Variants in SNTG2 observed in about 807,000 individuals in gnomAD.
SNTG2 encodes gamma-2-syntrophin.
SNTG2 carries 74 observed loss-of-function variants against 70.9 expected under a neutral mutation model. The ratio of observed to expected loss-of-function variants is 1.04; its 90% CI spans 0.86 to 1.27. The LOEUF (loss-of-function observed/expected upper bound fraction) is 1.27, where lower values mean the gene tolerates loss of function less well. Among genes scored for constraint, SNTG2 ranks in the 50% most tolerant of loss-of-function variants. The probability of loss-of-function intolerance (pLI) is 0.00; values close to 1 mark genes in which losing one functional copy is unlikely to be tolerated. For missense variants in SNTG2, 717 were observed against 690.7 expected (o/e 1.04, Z -0.43); for synonymous variants, 278 against 273.8 (o/e 1.02, Z -0.15).
chr2:952,919 C>T (rs1242627514), intron 1 of SNTG2, among the ~76,000 whole-genome samples: 1 of 152,098 alleles, frequency 6.6e-6, no homozygotes, highest in African/African-American at 2.4e-5. Context: ...ATTTTCTTAC[C>T]ATAACTGCAC....
chr2:1,128,528 A>G (rs910400568), intron 4 of SNTG2, among the ~76,000 whole-genome samples: 1 of 152,162 alleles, frequency 6.6e-6, no homozygotes, highest in Non-Finnish European at 1.5e-5. Context: ...TCTTTCGTTT[A>G]AGTGATGCCT....
intron 10 of SNTG2, among the ~76,000 whole-genome samples, chr2:1,239,062 C>G (rs1050973067): frequency 6.6e-6 from 1 of 152,180 alleles, no homozygotes; most frequent in African/African-American, 2.4e-5. Flanking sequence ...AGTTTTCAAA[C>G]GCAACACTTT....
chr2:1,363,530 C>T (rs1249743061), intron 16 of SNTG2, among the ~76,000 whole-genome samples: 3 of 152,192 alleles, frequency 2.0e-5, no homozygotes, highest in Admixed American at 6.5e-5. Flanking sequence ...CACAGAGAGC[C>T]AGCAGGTGCC....
rs138758469 is a variant in SNTG2 at position 1,020,122 on chromosome 2, C to T, written c.73-63396C>T. Among the ~76,000 whole-genome samples the T allele has an allele frequency of 4.7e-3, 721 of 152,324 alleles. 4 individuals are homozygous for T. The highest frequency in any genetic ancestry group is 0.01 in the Middle Eastern group (3 of 294). ...CCAATAGCCATTCAGGCATGAATCT[C>T]TTCTGATATTAACAATGGTGCATTT... On this transcript the variant is annotated intron_variant, in intron 1 of 16. Transcript: ENST00000308624.
At chr2:1,337,739 T>C (rs1026925512) in intron 16 of SNTG2, among the ~76,000 whole-genome samples, 2 of 152,196 alleles carry the variant, frequency 1.3e-5, no homozygotes, top group Non-Finnish European at 2.9e-5. Flanking sequence ...CTTTCTTTGA[T>C]TGCCTTTGCT....
At chr2:1,054,707 C>A (rs1433124113) in intron 1 of SNTG2, among the ~76,000 whole-genome samples, 2 of 152,152 alleles carry the variant, frequency 1.3e-5, no homozygotes, top group African/African-American at 2.4e-5. Flanking sequence ...TTTCCCCAGA[C>A]CTTGGATCAG....
intron 1 of SNTG2, among the ~76,000 whole-genome samples, chr2:1,011,282 A>G (rs961323892): frequency 3.3e-5 from 5 of 152,228 alleles, no homozygotes; most frequent in African/African-American, 9.6e-5. Context: ...CTCAGCTGCT[A>G]GGTCCAATTT....
At chr2:1,220,566 T>C (rs1674686522) in intron 9 of SNTG2, among the ~76,000 whole-genome samples, 1 of 152,248 alleles carries the variant, frequency 6.6e-6, no homozygotes, top group Non-Finnish European at 1.5e-5. Flanking sequence ...CCCTGCTGGC[T>C]GCTAGCAGGT....
intron 4 of SNTG2, among the ~76,000 whole-genome samples, chr2:1,119,218 T>TTAA (rs1558423029): frequency 1.3e-5 from 2 of 151,674 alleles, no homozygotes; most frequent in African/African-American, 2.4e-5. Flanking sequence ...CTTTCCTAGA[T>TTAA]AAAAAAAAGA....
intron 1 of SNTG2, among the ~76,000 whole-genome samples, chr2:991,976 A>G (rs1167183031): frequency 6.6e-6 from 1 of 152,154 alleles, no homozygotes; most frequent in African/African-American, 2.4e-5. Flanking sequence ...TGACAGAAAC[A>G]TTGACTCCAC....
In SNTG2 at chr2:1,132,960, G is replaced by A. The variant is rs1404298145; in HGVS notation, c.326-4662G>A. The stretch of plus-strand genomic sequence containing the variant: ...TGTTTAGTTTTGCTTGGTTTTGAAC[G>A]TCACAGTAATTAAAGTCGTACCATA... On this transcript the variant is annotated intron_variant, in intron 4 of 16. Transcript: ENST00000308624. 4.6e-5 allele frequency among the ~76,000 whole-genome samples: 7 copies of A among 152,282 alleles called. No homozygotes were observed. The East Asian group carries it at 5.8e-4, about 13-fold the overall frequency.
chr2:1,312,860 A>G (rs989159613), intron 15 of SNTG2, among the ~76,000 whole-genome samples: 2 of 152,226 alleles, frequency 1.3e-5, no homozygotes, highest in Non-Finnish European at 2.9e-5. Flanking sequence ...ATCAGTTTTT[A>G]AAAGCTGAAA....
chr2:1,334,077 A>T (rs1659674375), intron 16 of SNTG2, among the ~76,000 whole-genome samples: 1 of 152,220 alleles, frequency 6.6e-6, no homozygotes, highest in African/African-American at 2.4e-5. Flanking sequence ...CTCTGCAAGG[A>T]ACTCAAACAA....
chr2:1,252,558 G>A (rs997825813), intron 12 of SNTG2, among the ~76,000 whole-genome samples: 3 of 152,284 alleles, frequency 2.0e-5, no homozygotes, highest in African/African-American at 7.2e-5. Flanking sequence ...GCCTGTGCTG[G>A]GCTCCTGCTG....
At chr2:1,136,030 T>A in intron 4 of SNTG2, among the ~76,000 whole-genome samples, 1 of 152,090 alleles carries the variant, frequency 6.6e-6, no homozygotes, top group Non-Finnish European at 1.5e-5. Context: ...GACCTTGTTT[T>A]TATCATATGC....
At chr2:1,333,504 C>T (rs563293856) in intron 16 of SNTG2, among the ~76,000 whole-genome samples, 1 of 152,130 alleles carries the variant, frequency 6.6e-6, no homozygotes, top group East Asian at 1.9e-4. Flanking sequence ...AAGAAAAAAA[C>T]AAATTTGGAG....
chr2:960,272 G>T (rs111547137), intron 1 of SNTG2, among the ~76,000 whole-genome samples: 2,989 of 152,318 alleles, frequency 0.02, 91 homozygotes, highest in African/African-American at 0.068. Context: ...AGCCAGGCCT[G>T]TTCCCTGGTA....
intron 1 of SNTG2, among the ~76,000 whole-genome samples, chr2:1,031,881 G>A (rs1660858106): frequency 6.6e-6 from 1 of 152,060 alleles, no homozygotes; most frequent in South Asian, 2.1e-4. Context: ...ATTTCCTAGC[G>A]ATGGGAAATT....
intron 8 of SNTG2, among the ~76,000 whole-genome samples, chr2:1,207,491 C>T (rs1448265162): frequency 1.3e-5 from 2 of 152,226 alleles, no homozygotes; most frequent in Non-Finnish European, 2.9e-5. Context: ...CAACCTCCCT[C>T]AGTGTCCATT....
Sources: gnomAD v4.1 joint callset for allele counts (sites outside exome capture counted in the v4.1 genomes callset) on GRCh38, gnomAD v4.1.1 for gene constraint, MANE v1.5 for transcripts, NCBI Gene and HGNC (gene_info 2026-07-23, HGNC 2026-07-21) for gene names.